Variants in RNF228 observed in about 807,000 individuals in gnomAD.
The protein encoded by RNF228 is ring finger protein 228.
At chr2:222,316,764 G>A in the RNF228 span, among the ~76,000 whole-genome samples, 6 of 152,148 alleles carry the variant, frequency 3.9e-5, no homozygotes, top group Non-Finnish European at 7.4e-5. Flanking sequence ...CTGCACTTGT[G>A]CAACTCAACA....
the RNF228 span, among the ~76,000 whole-genome samples, chr2:222,317,089 A>G: frequency 2.6e-4 from 39 of 152,202 alleles, no homozygotes; most frequent in Non-Finnish European, 4.1e-4. Flanking sequence ...TGCCCATCTT[A>G]GCAACGCACA....
the RNF228 span, chr2:222,318,884 G>C: frequency 6.6e-6 from 1 of 152,328 alleles, no homozygotes; most frequent in Non-Finnish European, 1.5e-5. Flanking sequence ...CTCAGTGGCC[G>C]AGTTGGGAGA....
At chr2:222,315,681 A>G in the RNF228 span, among the ~76,000 whole-genome samples, 2 of 152,300 alleles carry the variant, frequency 1.3e-5, no homozygotes, top group African/African-American at 4.8e-5. Context: ...ATGATTTTTA[A>G]CGGTCTTTCC....
the RNF228 span, among the ~76,000 whole-genome samples, chr2:222,316,890 T>C: frequency 6.6e-6 from 1 of 152,336 alleles, no homozygotes; most frequent in South Asian, 2.1e-4. Flanking sequence ...TAAAACTAAG[T>C]TCTGAAAAGT....
the RNF228 span, chr2:222,317,465 A>G: frequency 1.8e-4 from 28 of 152,342 alleles, no homozygotes; most frequent in African/African-American, 6.3e-4. Flanking sequence ...GCATACCTTC[A>G]GTAGATTCTG....
chr2:222,317,602 A>G, the RNF228 span: 6 of 152,360 alleles, frequency 3.9e-5, no homozygotes, highest in South Asian at 1.2e-3. Flanking sequence ...CCCACTTGCA[A>G]CATATACTGG....
the RNF228 span, among the ~76,000 whole-genome samples, chr2:222,316,068 C>A: frequency 2.0e-5 from 3 of 152,088 alleles, no homozygotes; most frequent in East Asian, 5.8e-4. Context: ...AAAAAAATAC[C>A]ACTTTCACCA....
chr2:222,319,366 C>T, the RNF228 span: 3 of 351,064 alleles, frequency 8.5e-6, no homozygotes, highest in Non-Finnish European at 1.5e-5. The surrounding 1 kb of genome is among the most constrained non-coding windows in gnomAD (Gnocchi z 7.6). Context: ...CACACGCAGC[C>T]AGCGGTGAGC....
At chr2:222,318,783 C>CA in the RNF228 span, 5 of 150,616 alleles carry the variant, frequency 3.3e-5, no homozygotes, top group Non-Finnish European at 7.4e-5. Context: ...CCCCCCCCCC[C>CA]ACCAACATCC....
the RNF228 span, chr2:222,318,782 C>A: frequency 1.3e-5 from 2 of 151,018 alleles, no homozygotes; most frequent in South Asian, 2.1e-4. Context: ...CCCCCCCCCC[C>A]CACCAACATC....
chr2:222,317,987 T>C, the RNF228 span: 2 of 152,208 alleles, frequency 1.3e-5, no homozygotes. Context: ...GAAATCTTAA[T>C]GCACAAAAAT....
chr2:222,319,382 G>A, the RNF228 span: 1 of 320,622 alleles, frequency 3.1e-6, no homozygotes, highest in Non-Finnish European at 5.7e-6. This position sits in a 1 kb window ranked among gnomAD's most constrained non-coding sequence, Gnocchi z 7.6. Flanking sequence ...TGAGCGCCGC[G>A]CGCTTGCAGT....
the RNF228 span, among the ~76,000 whole-genome samples, chr2:222,315,438 G>T: frequency 6.6e-6 from 1 of 152,226 alleles, no homozygotes; most frequent in African/African-American, 2.4e-5. Flanking sequence ...AACTGGGATA[G>T]ATACCCACTG....
chr2:222,314,745 T>C, the RNF228 span, among the ~76,000 whole-genome samples: 1 of 152,360 alleles, frequency 6.6e-6, no homozygotes, highest in Non-Finnish European at 1.5e-5. Context: ...AGCAATTCTA[T>C]GAATAACGAT....
chr2:222,314,681 G>A, the RNF228 span, among the ~76,000 whole-genome samples: 1 of 152,318 alleles, frequency 6.6e-6, no homozygotes, highest in South Asian at 2.1e-4. Context: ...GGATTACTTA[G>A]TTATTAAGAT....
the RNF228 span, among the ~76,000 whole-genome samples, chr2:222,315,691 C>T: frequency 1.1e-4 from 16 of 152,122 alleles, no homozygotes; most frequent in Non-Finnish European, 1.9e-4. Context: ...ACGGTCTTTC[C>T]GACTAAAGAG....
chr2:222,319,934 C>T, the RNF228 span, among the ~76,000 whole-genome samples: 1 of 152,128 alleles, frequency 6.6e-6, no homozygotes, highest in African/African-American at 2.4e-5. This position sits in a 1 kb window ranked among gnomAD's most constrained non-coding sequence, Gnocchi z 7.6. Context: ...AGACCGTCTC[C>T]GCTGCGTCCC....
chr2:222,316,760 T>A, the RNF228 span, among the ~76,000 whole-genome samples: 1 of 152,330 alleles, frequency 6.6e-6, no homozygotes, highest in East Asian at 1.9e-4. Context: ...GTAGCTGCAC[T>A]TGTGCAACTC....
chr2:222,320,085 C>CG, the RNF228 span, among the ~76,000 whole-genome samples: 1 of 152,134 alleles, frequency 6.6e-6, no homozygotes, highest in African/African-American at 2.4e-5. Context: ...CGCCCCTCAT[C>CG]GGGGGCAAGG....
Sources: gnomAD v4.1 joint callset for allele counts (sites outside exome capture counted in the v4.1 genomes callset) on GRCh38, gnomAD v4.1.1 for gene constraint, Gnocchi (gnomAD v3.1) non-coding constraint, MANE v1.5 for transcripts, NCBI Gene and HGNC (gene_info 2026-07-23, HGNC 2026-07-21) for gene names.